The following ANGPT1 variants were observed in gnomAD, a reference collection of about 807,000 sequenced individuals.
The protein encoded by ANGPT1 is angiopoietin-1.
In ANGPT1, 17 loss-of-function variants were observed where a neutral mutation model predicts 62.2. The ratio of observed to expected loss-of-function variants is 0.27; its 90% CI spans 0.19 to 0.41. The LOEUF (loss-of-function observed/expected upper bound fraction) is 0.41. ANGPT1 is among the 10% of genes least tolerant of loss of function. The pLI is 1.00. For missense variants in ANGPT1, 478 were observed against 594.9 expected, an observed-to-expected ratio of 0.80 and a Z score of 2.04; for synonymous variants, 199 against 198.9, an observed-to-expected ratio of 1.00 and a Z score of 0.00.
intron 1 of ANGPT1, among the ~76,000 whole-genome samples, chr8:107,387,962 T>A (rs1816763829): frequency 6.6e-6 from 1 of 152,136 alleles, no homozygotes; most frequent in Non-Finnish European, 1.5e-5. Flanking sequence ...TGTTATATAT[T>A]TCTGGGTTTT....
At chr8:107,370,195 A>AAAAGAAAGAAAGAAAGAAAGAAAG (rs35083108) in intron 1 of ANGPT1, among the ~76,000 whole-genome samples, 1 of 93,252 alleles carries the variant, frequency 1.1e-5, no homozygotes, top group Non-Finnish European at 2.1e-5. Context: ...AAGAAAGAAA[A>AAAAGAAAGAAAGAAAGAAAGAAAG]AAAGAAAGAA....
intron 3 of ANGPT1, among the ~76,000 whole-genome samples, chr8:107,326,773 C>T (rs929702749): frequency 1.3e-5 from 2 of 152,112 alleles, no homozygotes; most frequent in African/African-American, 4.8e-5. Context: ...ATAGAATGAG[C>T]AGATGTTACA....
intron 1 of ANGPT1, among the ~76,000 whole-genome samples, chr8:107,449,378 C>T (rs1489573065): frequency 2.3e-5 from 3 of 129,424 alleles, no homozygotes; most frequent in Admixed American, 8.7e-5. Flanking sequence ...AATAAAGCAC[C>T]CACACACTCA....
intron 1 of ANGPT1, among the ~76,000 whole-genome samples, chr8:107,369,126 A>G (rs183246515): frequency 6.6e-6 from 1 of 152,294 alleles, no homozygotes; most frequent in East Asian, 1.9e-4. Context: ...TATAGCCACT[A>G]TCATCAGTGA....
chr8:107,422,909 T>C (rs1810929349), intron 1 of ANGPT1, among the ~76,000 whole-genome samples: 3 of 152,188 alleles, frequency 2.0e-5, no homozygotes, highest in Non-Finnish European at 4.4e-5. Flanking sequence ...ATAGTAAACA[T>C]TTTCGCAGAG....
intron 5 of ANGPT1, among the ~76,000 whole-genome samples, chr8:107,298,487 C>T (rs1814473814): frequency 6.6e-6 from 1 of 151,666 alleles, no homozygotes; most frequent in African/African-American, 2.4e-5. Flanking sequence ...GAAAAATAAA[C>T]ACAAGCCATT....
chr8:107,294,311 C>T (rs1327638593), intron 5 of ANGPT1: 2 of 236,416 alleles, frequency 8.5e-6, no homozygotes, highest in African/African-American at 4.5e-5. Flanking sequence ...GACTATACAA[C>T]ATTTTAAAAA....
rs1438692902 is a variant in ANGPT1 at position 107,397,510 on chromosome 8, A to G, written c.298-50413T>C. Among the ~76,000 whole-genome samples, 5 of 152,192 alleles carry G rather than the reference A, an allele frequency of 3.3e-5. No homozygotes were observed. The East Asian group carries it at 9.7e-4, about 29-fold the overall frequency. On this transcript the variant is annotated intron_variant, in intron 1 of 8. Coordinates refer to ENST00000517746, the MANE Select transcript of ANGPT1 (RefSeq NM_001146.5). ...TCACAAGTCTGTGATAACTCACAAA[A>G]ATACCAGCTGTTTCATGAACAGAAC... is the stretch of plus-strand genomic sequence containing the variant.
chr8:107,407,943 A>C (rs1183954573), intron 1 of ANGPT1, among the ~76,000 whole-genome samples: 1 of 152,212 alleles, frequency 6.6e-6, no homozygotes, highest in Non-Finnish European at 1.5e-5. Flanking sequence ...ATTATTATGA[A>C]AACTCAGCAG....
chr8:107,396,786 G>C (rs1307211682), intron 1 of ANGPT1, among the ~76,000 whole-genome samples: 1 of 151,966 alleles, frequency 6.6e-6, no homozygotes, highest in Non-Finnish European at 1.5e-5. Context: ...ACCCCCTAAA[G>C]TGCTAGGATT....
chr8:107,406,659 ATGTGT>A (rs1387229713), intron 1 of ANGPT1, among the ~76,000 whole-genome samples: 2 of 151,966 alleles, frequency 1.3e-5, no homozygotes, highest in Non-Finnish European at 2.9e-5. Context: ...TCAAATCCTG[ATGTGT>A]TGTGAGCGTC....
chr8:107,355,799 G>A (rs1409787884), intron 1 of ANGPT1, among the ~76,000 whole-genome samples: 1 of 152,044 alleles, frequency 6.6e-6, no homozygotes, highest in Non-Finnish European at 1.5e-5. Context: ...CTGTACCTCT[G>A]TTTTTCATAA....
chr8:107,385,944 A>G (rs1464404328), intron 1 of ANGPT1, among the ~76,000 whole-genome samples: 2 of 152,074 alleles, frequency 1.3e-5, no homozygotes, highest in Non-Finnish European at 2.9e-5. Context: ...ATTGATTTGC[A>G]TATGTTAAAC....
At chr8:107,266,930 A>C (rs1586171803) in intron 7 of ANGPT1, among the ~76,000 whole-genome samples, 1 of 152,170 alleles carries the variant, frequency 6.6e-6, no homozygotes, top group South Asian at 2.1e-4. Context: ...AAATTTGAGA[A>C]GAAAAGCAAA....
chr8:107,272,582 T>C (rs930096171), intron 7 of ANGPT1, among the ~76,000 whole-genome samples: 10 of 151,958 alleles, frequency 6.6e-5, no homozygotes, highest in Non-Finnish European at 1.2e-4. Flanking sequence ...ATACAGTTCT[T>C]AGTGTTTTGC....
At chr8:107,394,380 C>A (rs529886494) in intron 1 of ANGPT1, among the ~76,000 whole-genome samples, 61 of 152,300 alleles carry the variant, frequency 4.0e-4, no homozygotes, top group African/African-American at 1.4e-3. Context: ...GATTAATGAG[C>A]ATTTTTGCAG....
Position 107,497,514 on chromosome 8 carries a change from A to G in ANGPT1, c.45T>C (p.Thr15=). 1 of 1,614,102 alleles carries G rather than the reference A, an allele frequency of 6.2e-7. No individual in the cohort carries two copies. Among genetic ancestry groups the G allele is most frequent in the East Asian group, 2.2e-5 (1 of 44,846 alleles). The change falls in exon 1 of 9, where the codon ACT becomes ACC. Residue 15 remains threonine, a synonymous_variant. Coordinates refer to ENST00000517746, the MANE Select transcript of ANGPT1 (RefSeq NM_001146.5). ...GGCGCTGATTGCTGCACCCTATGTG[A>G]GTCAGAATGGCAGCGAGGAAAGCAA... The part of the protein sequence containing the change: ...LSFAFLAAIL[T]HIGCSNQRRS...
At chr8:107,485,188 G>A (rs1220227224) in intron 1 of ANGPT1, among the ~76,000 whole-genome samples, 1 of 152,136 alleles carries the variant, frequency 6.6e-6, no homozygotes, top group Non-Finnish European at 1.5e-5. Flanking sequence ...AGTATCTACT[G>A]GGCACCTGCA....
At chr8:107,449,728 T>C (rs1365477996) in intron 1 of ANGPT1, among the ~76,000 whole-genome samples, 1 of 152,114 alleles carries the variant, frequency 6.6e-6, no homozygotes, top group Non-Finnish European at 1.5e-5. Flanking sequence ...GTTTAGGCCA[T>C]GTTGTAATAT....
Sources: allele counts gnomAD v4.1 joint callset (sites outside exome capture counted in the v4.1 genomes callset), GRCh38; gene constraint gnomAD v4.1.1; transcripts MANE v1.5; gene names NCBI Gene and HGNC (gene_info 2026-07-23, HGNC 2026-07-21).